The following CACNG2 variants were observed in gnomAD, a reference collection of about 807,000 sequenced individuals.
CACNG2 encodes calcium voltage-gated channel auxiliary subunit gamma 2.
Under a neutral mutation model 25.9 loss-of-function variants are expected in CACNG2, and 3 were observed. The observed-to-expected ratio is 0.12, with a 90% CI of 0.05 to 0.30. The LOEUF (loss-of-function observed/expected upper bound fraction) is 0.30. Ranked by LOEUF, CACNG2 falls within the 10% of genes least tolerant of loss-of-function variation. CACNG2 has a pLI of 1.00. For missense variants in CACNG2, 341 were observed against 432.5 expected (o/e 0.79, Z 1.88); for synonymous variants, 167 against 173.3 (o/e 0.96, Z 0.29).
rs1935061001 is a variant in CACNG2 at position 36,563,354 on chromosome 22, T to G, written c.*997A>C. ...GGTGAGGGGTGAGGAGGGAGAGCTG[T>G]TTCATGTCCCCCGGGGGGGGGGGTG... On this transcript the variant is annotated 3_prime_UTR_variant, in exon 4 of 4. Transcript: ENST00000300105. 9.7e-6 allele frequency among the ~76,000 whole-genome samples: 1 copy of G among 102,638 alleles called. No homozygotes were observed. Among genetic ancestry groups the G allele is most frequent in the African/African-American group, 5.4e-5 (1 of 18,560 alleles). 67.3% of individuals were successfully genotyped at this position (102,638 alleles called of 152,430 possible).
chr22:36,577,176 C>T (rs1320036766), intron 2 of CACNG2, among the ~76,000 whole-genome samples: 2 of 152,224 alleles, frequency 1.3e-5, no homozygotes, highest in East Asian at 3.8e-4. Flanking sequence ...ACACTTGAAG[C>T]AATGAGAATA....
chr22:36,702,680 T>C lies in CACNG2; in HGVS notation c.-104A>G. 2 of 782,336 alleles carry C rather than the reference T, an allele frequency of 2.6e-6. No individual in the cohort carries two copies. The highest frequency in any genetic ancestry group is 1.5e-5 in the South Asian group (1 of 67,306). 48.5% of individuals were successfully genotyped at this position (782,336 alleles called of 1,614,324 possible). On this transcript the variant is annotated 5_prime_UTR_variant, in exon 1 of 4. Coordinates refer to ENST00000300105, the MANE Select transcript of CACNG2 (RefSeq NM_006078.5). ...AAAAAATAAATAAAAATAAAAATTA[T>C]TCCACTACTAATATAATGGATATAT...
rs1935100064 is a variant in CACNG2, at chr22:36,564,859, A to C, written c.464T>G (p.Val155Gly). The C allele has an allele frequency of 1.2e-6, 2 of 1,613,670 alleles. No homozygotes were observed. Among genetic ancestry groups the C allele is most frequent in the African/African-American group, 1.3e-5 (1 of 74,890 alleles). Residue 155 changes from valine (V) to glycine (G), a missense_variant, in exon 4 of 4, where the codon GTG becomes GGG. Coordinates refer to ENST00000300105, the MANE Select transcript of CACNG2 (RefSeq NM_006078.5). The surrounding 1 kb of genome is among the most constrained non-coding windows in gnomAD (Gnocchi z 6.7). ...AGLSNIIGII[V>G]YISANAGDPS... ...GTCTCCGGCATTGGCAGATATGTAC[A>C]CTATGATGCCAATGATGTTACTCAG... is the stretch of plus-strand genomic sequence containing the variant.
chr22:36,619,896 T>A lies in CACNG2; in HGVS notation c.212-32348A>T, dbSNP rs527254601. Among the ~76,000 whole-genome samples, 9 of 152,354 alleles carry A rather than the reference T, an allele frequency of 5.9e-5. 1 individual carries two copies. The East Asian group carries it at 1.7e-3, about 29-fold the overall frequency. On this transcript the variant is annotated intron_variant, in intron 1 of 3. Transcript: ENST00000300105. ...GCCACTCTCGTGGCAGCTGGACATG[T>A]TTATCAATCTGTTAAGAGTTAAATG...
At chr22:36,565,780 G>A (rs1382106989) in intron 3 of CACNG2, among the ~76,000 whole-genome samples, 3 of 152,218 alleles carry the variant, frequency 2.0e-5, no homozygotes, top group African/African-American at 4.8e-5. Flanking sequence ...GTGAGCCACT[G>A]CACCCGGCCT....
At chr22:36,646,238 C>A (rs1440889744) in intron 1 of CACNG2, among the ~76,000 whole-genome samples, 1 of 152,062 alleles carries the variant, frequency 6.6e-6, no homozygotes, top group East Asian at 1.9e-4. Flanking sequence ...TGAGCATTAG[C>A]CGAGGAAACT....
At chr22:36,673,461 C>T (rs1936981404) in intron 1 of CACNG2, among the ~76,000 whole-genome samples, 1 of 152,130 alleles carries the variant, frequency 6.6e-6, no homozygotes, top group South Asian at 2.1e-4. Context: ...GAAGAAAACA[C>T]CTCGCAGAAC....
intron 2 of CACNG2, among the ~76,000 whole-genome samples, chr22:36,586,936 G>A (rs866666715): frequency 3.6e-4 from 15 of 41,504 alleles, no homozygotes; most frequent in African/African-American, 7.5e-4. Flanking sequence ...CTTGACTTGC[G>A]GGGGAAGAAA....
intron 1 of CACNG2, among the ~76,000 whole-genome samples, chr22:36,633,897 C>G (rs2145960514): frequency 6.6e-6 from 1 of 152,270 alleles, no homozygotes; most frequent in East Asian, 1.9e-4. Context: ...GTCGCTCTCA[C>G]TGCAGTTTGG....
intron 1 of CACNG2, among the ~76,000 whole-genome samples, chr22:36,660,787 C>A (rs1263736575): frequency 6.6e-6 from 1 of 152,236 alleles, no homozygotes; most frequent in Non-Finnish European, 1.5e-5. Context: ...CAGCCCAGAG[C>A]CTTCCCTCAT....
Position 36,658,796 on chromosome 22 carries a change from C to G in CACNG2, c.211+43570G>C, listed in dbSNP as rs74846620. On this transcript the variant is annotated intron_variant, in intron 1 of 3. Coordinates refer to ENST00000300105, the MANE Select transcript of CACNG2 (RefSeq NM_006078.5). Reference sequence around the variant, plus strand: ...GCAATAGTGCTCCAGGGGGAATAGGCGGGGTGTGGGGACAGGGCAAGAGTG... The same window carrying G: ...GCAATAGTGCTCCAGGGGGAATAGGGGGGGTGTGGGGACAGGGCAAGAGTG... Among the ~76,000 whole-genome samples the G allele has an allele frequency of 8.8e-3, 1,332 of 151,974 alleles. 28 individuals are homozygous for G. Among genetic ancestry groups the G allele is most frequent in the African/African-American group, 0.031 (1,270 of 41,434 alleles).
chr22:36,611,511 G>A (rs2145941637), intron 1 of CACNG2, among the ~76,000 whole-genome samples: 1 of 152,332 alleles, frequency 6.6e-6, no homozygotes, highest in Middle Eastern at 3.4e-3. Context: ...GTAAACAGCT[G>A]TGTTTGTGAT....
intron 1 of CACNG2, among the ~76,000 whole-genome samples, chr22:36,615,961 TC>T (rs1936016259): frequency 6.6e-6 from 1 of 152,244 alleles, no homozygotes; most frequent in African/African-American, 2.4e-5. Flanking sequence ...ATAATATTAT[TC>T]AACCACACAC....
At chr22:36,625,037 A>AAAAAAAAAAAAAAAG (rs1936164588) in intron 1 of CACNG2, among the ~76,000 whole-genome samples, 1 of 150,166 alleles carries the variant, frequency 6.7e-6, no homozygotes, top group Admixed American at 6.6e-5. Context: ...AAAAAAAAAA[A>AAAAAAAAAAAAAAAG]AAAAAGAACC....
At chr22:36,654,704 A>C (rs991482415) in intron 1 of CACNG2, among the ~76,000 whole-genome samples, 6 of 152,238 alleles carry the variant, frequency 3.9e-5, no homozygotes, top group Admixed American at 2.0e-4. Flanking sequence ...GCATAAAAAA[A>C]AGTTCCAATT....
At chr22:36,565,333 G>C (rs1311044291) in intron 3 of CACNG2, among the ~76,000 whole-genome samples, 1 of 152,244 alleles carries the variant, frequency 6.6e-6, no homozygotes, top group Non-Finnish European at 1.5e-5. Context: ...GATGGAGCCA[G>C]GCTGGCCTGC....
At chr22:36,624,931 G>C (rs1936161740) in intron 1 of CACNG2, among the ~76,000 whole-genome samples, 1 of 149,332 alleles carries the variant, frequency 6.7e-6, no homozygotes, top group South Asian at 2.1e-4. Flanking sequence ...GGGAGGCTGA[G>C]GTAGGAGAAT....
At chr22:36,638,770 C>G (rs1285225949) in intron 1 of CACNG2, among the ~76,000 whole-genome samples, 1 of 152,108 alleles carries the variant, frequency 6.6e-6, no homozygotes, top group Non-Finnish European at 1.5e-5. Flanking sequence ...GTTCTGCTTC[C>G]CACGATATCC....
intron 1 of CACNG2, among the ~76,000 whole-genome samples, chr22:36,601,855 T>C (rs993334691): frequency 2.0e-5 from 3 of 152,234 alleles, no homozygotes; most frequent in South Asian, 2.1e-4. Context: ...TGCTGGGTCA[T>C]ATGGGAGTTC....
Sources: gnomAD v4.1 joint callset for allele counts (sites outside exome capture counted in the v4.1 genomes callset) on GRCh38, gnomAD v4.1.1 for gene constraint, Gnocchi (gnomAD v3.1) non-coding constraint, MANE v1.5 for transcripts, NCBI Gene and HGNC (gene_info 2026-07-23, HGNC 2026-07-21) for gene names.